The following TOMM40 variants were observed in gnomAD, a reference collection of about 807,000 sequenced individuals.
TOMM40 encodes mitochondrial import receptor subunit TOM40 homolog.
A neutral mutation model predicts 38.4 loss-of-function variants in TOMM40; 9 were observed. The observed-to-expected ratio is 0.23, with a 90% CI of 0.14 to 0.41. TOMM40 has a LOEUF of 0.41. Ranked by LOEUF, TOMM40 falls within the 10% of genes least tolerant of loss-of-function variation. The pLI is 1.00. For missense variants in TOMM40, 299 were observed against 486.5 expected, an observed-to-expected ratio of 0.61 and a Z score of 3.63; for synonymous variants, 184 against 210.0, an observed-to-expected ratio of 0.88 and a Z score of 1.07.
Position 44,896,576 on chromosome 19 carries a change from C to T in TOMM40, c.643+2510C>T, listed in dbSNP as rs138392002. Reference sequence around the variant, plus strand: ...AGGCCCAGGGGTGAAATCAGTTGCCCAGGGTGACACAGCCAGGAAGCAGAG... The same window carrying T: ...AGGCCCAGGGGTGAAATCAGTTGCCTAGGGTGACACAGCCAGGAAGCAGAG... On this transcript the variant is annotated intron_variant, in intron 5 of 8. Coordinates refer to ENST00000426677, the MANE Select transcript of TOMM40 (RefSeq NM_001128917.2). 3.9e-5 allele frequency among the ~76,000 whole-genome samples: 6 copies of T among 152,292 alleles called. No homozygotes were observed. In the East Asian group the frequency reaches 9.7e-4, roughly 25 times the overall value.
At chr19:44,897,572 C>T (rs931129420) in intron 5 of TOMM40, among the ~76,000 whole-genome samples, 2 of 152,116 alleles carry the variant, frequency 1.3e-5, no homozygotes, top group African/African-American at 4.8e-5. Context: ...CCTGTCTCAG[C>T]CTCCCAAGTA....
intron 1 of TOMM40, among the ~76,000 whole-genome samples, chr19:44,892,150 G>T (rs1289762386): frequency 1.3e-5 from 2 of 152,216 alleles, no homozygotes; most frequent in Non-Finnish European, 2.9e-5. Context: ...AATTCTGTGT[G>T]GTGAGGGTCC....
chr19:44,896,458 C>T (rs1969567818), intron 5 of TOMM40, among the ~76,000 whole-genome samples: 1 of 152,256 alleles, frequency 6.6e-6, no homozygotes, highest in Non-Finnish European at 1.5e-5. Context: ...GGCCTCAGCA[C>T]TGGGCCACAT....
rs769720197 is a variant in TOMM40, at chr19:44,892,819, C to T, written c.343-18C>T. Reference sequence around the variant, plus strand: ...GCCTATCTGTCCAGTATCGTCACAGCTCTCGCTTTCCTTCCAGGTCAACCA... The same window carrying T: ...GCCTATCTGTCCAGTATCGTCACAGTTCTCGCTTTCCTTCCAGGTCAACCA... On this transcript the variant is annotated intron_variant, in intron 2 of 8. Transcript: ENST00000426677. 1.9e-5 allele frequency: 30 copies of T among 1,598,204 alleles called. No individual in the cohort carries two copies. The highest frequency in any genetic ancestry group is 2.7e-5 in the African/African-American group (2 of 74,554).
intron 5 of TOMM40, among the ~76,000 whole-genome samples, chr19:44,894,318 G>C (rs572173757): frequency 3.4e-4 from 50 of 145,810 alleles, no homozygotes; most frequent in African/African-American, 1.2e-3. Context: ...TTGGAGTGCC[G>C]TGGCACGATC....
chr19:44,891,846 G>T (rs537835554), intron 1 of TOMM40, among the ~76,000 whole-genome samples, 157 bp downstream of exon 1: 1 of 152,226 alleles, frequency 6.6e-6, no homozygotes, highest in African/African-American at 2.4e-5. Context: ...TGGACTTGGG[G>T]CTTAGAATGA....
chr19:44,899,791 CTTTTTTT>C (rs10524523), intron 5 of TOMM40, among the ~76,000 whole-genome samples: 7 of 90,984 alleles, frequency 7.7e-5, no homozygotes, highest in Non-Finnish European at 1.3e-4. Flanking sequence ...TTGCATCTGG[CTTTTTTT>C]TTTTTTTTTT....
rs1272488966 is a variant in TOMM40 at position 44,903,063 on chromosome 19, C to T, written c.980C>T (p.Thr327Met). Residue 327 changes from threonine (T) to methionine (M), a missense_variant, in exon 9 of 9, where the codon ACG becomes ATG. By Grantham distance (81) the Thr-to-Met change is moderately conservative. Coordinates refer to ENST00000426677, the MANE Select transcript of TOMM40 (RefSeq NM_001128917.2). ...SVDSNWIVGA[T>M]LEKKLPPLPL... ...GATAGCAACTGGATCGTGGGTGCCA[C>T]GCTGGAGAAGAAGCTCCCACCCCTG... is the stretch of plus-strand genomic sequence containing the variant. The T allele has an allele frequency of 9.3e-6, 15 of 1,613,134 alleles. No homozygotes were observed. Among genetic ancestry groups the T allele is most frequent in the Admixed American group, 1.7e-5 (1 of 60,010 alleles).
At chr19:44,896,490 C>T (rs1969568433) in intron 5 of TOMM40, among the ~76,000 whole-genome samples, 1 of 152,226 alleles carries the variant, frequency 6.6e-6, no homozygotes, top group African/African-American at 2.4e-5. Flanking sequence ...ACTTGCTCCA[C>T]TCTGGCATCT....
chr19:44,897,667 G>A (rs1969591503), intron 5 of TOMM40, among the ~76,000 whole-genome samples: 1 of 151,802 alleles, frequency 6.6e-6, no homozygotes, highest in African/African-American at 2.4e-5. Flanking sequence ...CCAGGTACTC[G>A]GGAGGCTGAG....
At chr19:44,893,276 G>A (rs1411868736) in intron 3 of TOMM40, among the ~76,000 whole-genome samples, 1 of 152,166 alleles carries the variant, frequency 6.6e-6, no homozygotes, top group Non-Finnish European at 1.5e-5. Flanking sequence ...GGGTTGTGGA[G>A]AGTCATGGCA....
intron 5 of TOMM40, among the ~76,000 whole-genome samples, chr19:44,898,940 C>T (rs965234136): frequency 6.6e-6 from 1 of 151,378 alleles, no homozygotes; most frequent in South Asian, 2.1e-4. Flanking sequence ...GTCAGGAGAT[C>T]GAGACCACGG....
At chr19:44,901,910 A>T (rs1411911572) in intron 8 of TOMM40, 1 of 153,248 alleles carries the variant, frequency 6.5e-6, no homozygotes, top group Non-Finnish European at 1.5e-5. Context: ...AACGTGGTGA[A>T]ATCCCCTCTC....
In TOMM40 at chr19:44,901,237, C is replaced by A. The variant is rs1002248447; in HGVS notation, c.873C>A (p.Ser291Arg). 4.3e-6 allele frequency: 7 copies of A among 1,613,988 alleles called. No individual in the cohort carries two copies. Among genetic ancestry groups the A allele is most frequent in the African/African-American group, 4.0e-5 (3 of 74,938 alleles). ...QLQVGVEFEA[S>R]TRMQDTSVSF... is the part of the protein sequence containing the mutation. The stretch of plus-strand genomic sequence containing the variant: ...AGGTGGGTGTGGAGTTTGAGGCCAG[C>A]ACAAGGATGCAGGACACCAGCGTCT... Residue 291 changes from serine to arginine, a missense_variant, in exon 8 of 9, where the codon AGC becomes AGA. Transcript: ENST00000426677.
At chr19:44,901,127 TG>T (rs1184162995) in intron 7 of TOMM40, 23 bp downstream of exon 7, 1 of 1,614,042 alleles carries the variant, frequency 6.2e-7, no homozygotes, top group African/African-American at 1.3e-5. Flanking sequence ...AGGGACTAGC[TG>T]GTGCTGCCAG....
Position 44,891,664 on chromosome 19 carries a change from C to T in TOMM40, c.249C>T (p.Phe83=), listed in dbSNP as rs898839637. The change falls in exon 1 of 9, where the codon TTC becomes TTT. Residue 83 remains phenylalanine, a synonymous_variant. Coordinates refer to ENST00000426677, the MANE Select transcript of TOMM40 (RefSeq NM_001128917.2). ...ACGCLPNPGT[F]EECHRKCKEL... ...GCTGCCTGCCCAACCCGGGCACATT[C>T]GAGGAGTGCCACCGGAAGTGCAAGG... is the stretch of plus-strand genomic sequence containing the variant. 2.4e-5 allele frequency: 36 copies of T among 1,479,296 alleles called. No homozygotes were observed. The highest frequency in any genetic ancestry group is 2.9e-5 in the Non-Finnish European group (32 of 1,119,898). The allele number at this position is 1,479,296 out of a possible 1,614,324, so 91.6% of individuals were successfully genotyped here.
chr19:44,893,032 A>G, intron 3 of TOMM40, 103 bp downstream of exon 3: 1 of 889,244 alleles, frequency 1.1e-6, no homozygotes, highest in Non-Finnish European at 1.7e-6. Flanking sequence ...ACAGCTACCG[A>G]GAGCCTGGAG....
chr19:44,898,525 C>CTTTTTTTT (rs71173106), intron 5 of TOMM40, among the ~76,000 whole-genome samples: 250 of 88,996 alleles, frequency 2.8e-3, no homozygotes, highest in Non-Finnish European at 3.1e-3. Flanking sequence ...TTTTTTTTTT[C>CTTTTTTTT]TTTTTTTTTT....
intron 5 of TOMM40, among the ~76,000 whole-genome samples, chr19:44,898,786 C>T (rs1273962706): frequency 6.6e-6 from 1 of 151,820 alleles, no homozygotes; most frequent in Non-Finnish European, 1.5e-5. Flanking sequence ...GATCCACCCA[C>T]CTCAGCCTCC....
Sources: gnomAD v4.1 joint callset for allele counts (sites outside exome capture counted in the v4.1 genomes callset) on GRCh38, gnomAD v4.1.1 for gene constraint, MANE v1.5 for transcripts, NCBI Gene and HGNC (gene_info 2026-07-23, HGNC 2026-07-21) for gene names.